Variants in APLF observed in about 807,000 individuals in gnomAD.
APLF encodes the protein aprataxin and PNKP like factor, also known as aprataxin and PNK-like factor.
A neutral mutation model predicts 55.6 loss-of-function variants in APLF; 61 were observed. That is an observed-to-expected ratio of 1.10 (90% CI 0.89 to 1.36). The LOEUF is 1.36. APLF is among the 40% of genes most tolerant of loss of function. APLF has a pLI of 0.00. For missense variants in APLF, 611 were observed against 602.5 expected, an observed-to-expected ratio of 1.01 and a Z score of -0.15; for synonymous variants, 207 against 214.8, an observed-to-expected ratio of 0.96 and a Z score of 0.32.
rs1487260097 is a variant in APLF at position 68,502,915 on chromosome 2, A to G, written c.341+12A>G. The G allele has an allele frequency of 6.3e-7, 1 of 1,590,326 alleles. No individual in the cohort carries two copies. Among genetic ancestry groups the G allele is most frequent in the East Asian group, 2.3e-5 (1 of 43,596 alleles). ...CAATGTACCTTAAGGTAAGTGCCTG[A>G]TGAAATGAGAGTAAGAATGTTATTT... On this transcript the variant is annotated intron_variant, in intron 3 of 9. Coordinates refer to ENST00000303795, the MANE Select transcript of APLF (RefSeq NM_173545.3).
In APLF at chr2:68,578,399, C is replaced by T; in HGVS notation, c.*377C>T. 6 of 995,608 alleles carry T rather than the reference C, an allele frequency of 6.0e-6. No individual in the cohort carries two copies. The highest frequency in any genetic ancestry group is 7.2e-6 in the Non-Finnish European group (6 of 836,298). The allele number at this position is 995,608 out of a possible 1,614,324, so 61.7% of individuals were successfully genotyped here. On this transcript the variant is annotated 3_prime_UTR_variant, in exon 10 of 10. Coordinates refer to ENST00000303795, the MANE Select transcript of APLF (RefSeq NM_173545.3). ...GGAGTACTCTGCAAGTATAACCAGG[C>T]AAAGTACATGAAAACATGCCTCTTT...
intron 8 of APLF, among the ~76,000 whole-genome samples, chr2:68,555,291 A>G (rs368082038): frequency 2.0e-5 from 3 of 152,178 alleles, no homozygotes; most frequent in Admixed American, 6.6e-5. Context: ...AAGTGCAATA[A>G]TAACAAAGAT....
At chr2:68,557,976 G>GTCTATAT (rs1671061032) in intron 8 of APLF, among the ~76,000 whole-genome samples, 1 of 151,454 alleles carries the variant, frequency 6.6e-6, no homozygotes, top group East Asian at 1.9e-4. Context: ...TGCATATATA[G>GTCTATAT]AAAGTAACTT....
At position 68,567,363 on chromosome 2, in the gene APLF, G is replaced by C. The variant is rs1261607569; in HGVS notation, c.1309G>C (p.Glu437Gln). ...CAGGAAGAATCCCCAGCACAAGATAGAATATAGACATAATACGCTTCCAGG... is the reference window on the plus strand; with the variant it reads ...CAGGAAGAATCCCCAGCACAAGATACAATATAGACATAATACGCTTCCAGG... ...CYRKNPQHKI[E>Q]YRHNTLPVRN... Residue 437 changes from glutamate (E) to glutamine (Q), a missense_variant, in exon 9 of 10, where the codon GAA becomes CAA. Glu to Gln is a conservative substitution (Grantham distance 29). Transcript: ENST00000303795. The C allele has an allele frequency of 6.2e-7, 1 of 1,605,550 alleles. No individual in the cohort carries two copies. The highest frequency in any genetic ancestry group is 8.5e-7 in the Non-Finnish European group (1 of 1,176,142).
chr2:68,521,271 A>G (rs1221342281), intron 5 of APLF, among the ~76,000 whole-genome samples: 1 of 151,736 alleles, frequency 6.6e-6, no homozygotes, highest in East Asian at 1.9e-4. Context: ...ATATGATTAT[A>G]TCGTTGGCAA....
chr2:68,552,586 TAA>T (rs1386121762), intron 8 of APLF, among the ~76,000 whole-genome samples: 2 of 152,138 alleles, frequency 1.3e-5, no homozygotes, highest in Non-Finnish European at 2.9e-5. Flanking sequence ...TTCCTGTTGT[TAA>T]AAAGAGTATT....
In APLF at chr2:68,530,797, A is replaced by C. The variant is rs368514090; in HGVS notation, c.804+4555A>C. Among the ~76,000 whole-genome samples, 219 of 152,240 alleles carry C rather than the reference A, an allele frequency of 1.4e-3. 5 individuals carry two copies. In the East Asian group the frequency reaches 0.04, roughly 28 times the overall value. ...CTGGACTAGGGAAACATGTATGAAAAACCATTTGGCCACTCTACATCTTGT... is the reference window on the plus strand; with the variant it reads ...CTGGACTAGGGAAACATGTATGAAACACCATTTGGCCACTCTACATCTTGT... On this transcript the variant is annotated intron_variant, in intron 6 of 9. Transcript: ENST00000303795.
intron 9 of APLF, among the ~76,000 whole-genome samples, chr2:68,571,900 T>A (rs1275791248): frequency 6.6e-6 from 1 of 152,172 alleles, no homozygotes; most frequent in Non-Finnish European, 1.5e-5. Flanking sequence ...TTTATCTAAT[T>A]ATTGGGGTCC....
intron 5 of APLF, among the ~76,000 whole-genome samples, chr2:68,516,659 C>T (rs1669586174): frequency 6.7e-6 from 1 of 150,302 alleles, no homozygotes; most frequent in African/African-American, 2.4e-5. Context: ...TATACCTTAG[C>T]TCCCACTTAT....
chr2:68,479,945 A>G (rs748151970), intron 1 of APLF, among the ~76,000 whole-genome samples: 2 of 152,180 alleles, frequency 1.3e-5, no homozygotes, highest in African/African-American at 4.8e-5. Flanking sequence ...TTAATGAATA[A>G]TACATATATT....
chr2:68,531,744 A>G (rs906683300), intron 6 of APLF, among the ~76,000 whole-genome samples: 12 of 152,270 alleles, frequency 7.9e-5, no homozygotes, highest in Admixed American at 1.3e-4. Context: ...TGTTCAGAAG[A>G]AAATCTGTAG....
At chr2:68,515,292 A>AATATAT (rs67524979) in intron 5 of APLF, among the ~76,000 whole-genome samples, 27 of 148,304 alleles carry the variant, frequency 1.8e-4, no homozygotes, top group East Asian at 9.9e-4. Context: ...CTTCATGTGT[A>AATATAT]ATATATATAT....
chr2:68,543,203 T>G (rs1670607473), intron 7 of APLF, among the ~76,000 whole-genome samples: 1 of 152,120 alleles, frequency 6.6e-6, no homozygotes, highest in Non-Finnish European at 1.5e-5. Flanking sequence ...AAGTTGTTGT[T>G]TAATGGGTAT....
At chr2:68,479,877 C>T (rs148174172) in intron 1 of APLF, among the ~76,000 whole-genome samples, 23 of 152,266 alleles carry the variant, frequency 1.5e-4, no homozygotes, top group African/African-American at 5.5e-4. Flanking sequence ...TCCTCCTCCT[C>T]AGCCTACTCA....
At chr2:68,507,361 G>A (rs1488469925) in intron 3 of APLF, among the ~76,000 whole-genome samples, 6 of 151,714 alleles carry the variant, frequency 4.0e-5, no homozygotes, top group Non-Finnish European at 1.5e-5. Flanking sequence ...ATTTCTTTAG[G>A]TTTTCCTTTT....
At chr2:68,540,796 G>A (rs544996665) in intron 7 of APLF, among the ~76,000 whole-genome samples, 1 of 147,062 alleles carries the variant, frequency 6.8e-6, no homozygotes, top group East Asian at 1.9e-4. Flanking sequence ...GTATGTGTGT[G>A]TATGTGTGTA....
At chr2:68,507,415 A>G (rs909999875) in intron 3 of APLF, among the ~76,000 whole-genome samples, 1 of 151,910 alleles carries the variant, frequency 6.6e-6, no homozygotes, top group Non-Finnish European at 1.5e-5. Flanking sequence ...GATTCTGTAT[A>G]ATTAGTCCTA....
chr2:68,481,621 G>A (rs777392404), intron 1 of APLF, among the ~76,000 whole-genome samples: 8 of 152,056 alleles, frequency 5.3e-5, no homozygotes, highest in Admixed American at 1.3e-4. Flanking sequence ...GAACTTTTGC[G>A]CTTCCTGCAT....
intron 4 of APLF, 107 bp downstream of exon 4, chr2:68,513,334 A>G (rs892208601): frequency 2.2e-6 from 3 of 1,358,540 alleles, no homozygotes; most frequent in South Asian, 1.5e-5. Flanking sequence ...GCCAGCATTT[A>G]TCTACTTTTG....
Sources: gnomAD v4.1 joint callset for allele counts (sites outside exome capture counted in the v4.1 genomes callset) on GRCh38, gnomAD v4.1.1 for gene constraint, MANE v1.5 for transcripts, NCBI Gene and HGNC (gene_info 2026-07-23, HGNC 2026-07-21) for gene names.